The following SCUBE2 variants were observed in gnomAD, a reference collection of about 807,000 sequenced individuals.
The protein encoded by SCUBE2 is signal peptide, CUB domain and EGF like domain containing 2.
A neutral mutation model predicts 125.9 loss-of-function variants in SCUBE2; 114 were observed. The ratio of observed to expected loss-of-function variants is 0.91; its 90% CI spans 0.78 to 1.06. The LOEUF (loss-of-function observed/expected upper bound fraction) is 1.06, where lower values mean the gene tolerates loss of function less well. SCUBE2 is among the 50% of genes least tolerant of loss of function. SCUBE2 has a pLI of 0.00. For synonymous variants in SCUBE2, 459 were observed against 492.9 expected (o/e 0.93, Z 0.91); for missense variants, 1,255 against 1,301.8 (o/e 0.96, Z 0.55).
At chr11:9,057,228 T>C (rs1044425384) in intron 9 of SCUBE2, 4 of 152,248 alleles carry the variant, frequency 2.6e-5, no homozygotes, top group Non-Finnish European at 5.9e-5. Context: ...CTTTTTAATG[T>C]GTTTACACAG....
Position 9,033,690 on chromosome 11 carries a change from G to T in SCUBE2, c.2109C>A (p.Cys703Ter), listed in dbSNP as rs769727324. Residue 703 changes from cysteine to a stop codon, truncating the protein, a stop_gained, in exon 17 of 23, where the codon TGC (cysteine) becomes TGA (stop). Coordinates refer to ENST00000649792, the MANE Select transcript of SCUBE2 (RefSeq NM_001367977.2). LOFTEE classifies it high-confidence loss of function. ...GGGCCCCAGAATTTCCTGGTCTTGGGCATGGTTCACAAGTCATTTGTCCTT... is the reference window on the plus strand; with the variant it reads ...GGGCCCCAGAATTTCCTGGTCTTGGTCATGGTTCACAAGTCATTTGTCCTT... ...NEEGQMTCEP[C>*]PRPGNSGALK... 9 of 1,613,964 alleles carry T rather than the reference G, an allele frequency of 5.6e-6. No homozygotes were observed. The African/African-American group carries it at 9.3e-5, about 17-fold the overall frequency.
chr11:9,031,001 C>A (rs1233526434), intron 17 of SCUBE2, 76 bp from the exon 18 acceptor site: 2 of 1,411,300 alleles, frequency 1.4e-6, no homozygotes, highest in African/African-American at 2.8e-5. Flanking sequence ...ATGAGACCAA[C>A]TTCAGTCCAA....
chr11:9,091,381 C>G lies in SCUBE2; in HGVS notation c.133+15G>C, dbSNP rs775680569. ...GCCTGCTGTGCCAGGTGCGCCCCCGCGGCCGGACACTCACCCTCCTGCGGC... is the reference window on the plus strand; with the variant it reads ...GCCTGCTGTGCCAGGTGCGCCCCCGGGGCCGGACACTCACCCTCCTGCGGC... On this transcript the variant is annotated intron_variant, in intron 1 of 22. Transcript: ENST00000649792. The surrounding 1 kb of genome is among the most constrained non-coding windows in gnomAD (Gnocchi z 8.5). The G allele has an allele frequency of 7.7e-7, 1 of 1,303,428 alleles. No homozygotes were observed. The highest frequency in any genetic ancestry group is 2.4e-5 in the South Asian group (1 of 41,606). The allele number at this position is 1,303,428 out of a possible 1,614,324, so 80.7% of individuals were successfully genotyped here.
intron 7 of SCUBE2, among the ~76,000 whole-genome samples, chr11:9,062,232 T>C (rs1317604943): frequency 6.6e-6 from 1 of 152,216 alleles, no homozygotes; most frequent in East Asian, 1.9e-4. Context: ...CCAAAAGCTA[T>C]GTTAAAATAA....
chr11:9,041,425 A>G (rs1211598951), intron 16 of SCUBE2, among the ~76,000 whole-genome samples: 2 of 152,186 alleles, frequency 1.3e-5, no homozygotes, highest in Middle Eastern at 3.2e-3. Flanking sequence ...ATTCAACCCT[A>G]GGATAATCAG....
chr11:9,044,180 T>C (rs996648214), intron 16 of SCUBE2, among the ~76,000 whole-genome samples: 1 of 152,232 alleles, frequency 6.6e-6, no homozygotes, highest in African/African-American at 2.4e-5. Context: ...TGCTCCGCTA[T>C]CATGTTAGAG....
chr11:9,074,421 C>G, intron 4 of SCUBE2, 60 bp downstream of exon 4: 1 of 1,591,036 alleles, frequency 6.3e-7, no homozygotes, highest in South Asian at 1.1e-5. Context: ...TGTGTGTGCG[C>G]GTGCAAGGGA....
In SCUBE2 at chr11:9,020,983, A is replaced by C; in HGVS notation, c.*62T>G. The C allele has an allele frequency of 6.7e-7, 1 of 1,498,644 alleles. No homozygotes were observed. Among genetic ancestry groups the C allele is most frequent in the Non-Finnish European group, 9.1e-7 (1 of 1,102,322 alleles). 92.8% of individuals were successfully genotyped at this position (1,498,644 alleles called of 1,614,324 possible). On this transcript the variant is annotated 3_prime_UTR_variant, in exon 23 of 23. Coordinates refer to ENST00000649792, the MANE Select transcript of SCUBE2 (RefSeq NM_001367977.2). The stretch of plus-strand genomic sequence containing the variant: ...CCGACTGTGCTGACATGCAGAAGGA[A>C]GACAGCTCTGTCCCACCAACCCTAT...
rs1859560493 is a variant in SCUBE2 at position 9,060,434 on chromosome 11, A to G, written c.941T>C (p.Leu314Pro). Reference protein sequence around the residue: ...VHCSCPVGFTLQLDGKTCKDI... With the variant: ...VHCSCPVGFTPQLDGKTCKDI... ...TTTACATGTCTTCCCATCCAACTGG[A>G]GAGTGAATCCAACAGGACAACTGCA... Residue 314 changes from leucine to proline, a missense_variant, in exon 8 of 23, where the codon CTC becomes CCC. Around this residue, in one of 3 missense-constraint regions of SCUBE2, gnomAD observed 378 missense variants for 463.1 expected, o/e 0.82. Transcript: ENST00000649792. 3 of 1,613,936 alleles carry G rather than the reference A, an allele frequency of 1.9e-6. No homozygotes were observed. Among genetic ancestry groups the G allele is most frequent in the Non-Finnish European group, 2.5e-6 (3 of 1,179,902 alleles).
At chr11:9,027,715 C>T (rs1273755488) in intron 19 of SCUBE2, among the ~76,000 whole-genome samples, 154 bp from the exon 20 acceptor site, 1 of 152,160 alleles carries the variant, frequency 6.6e-6, no homozygotes, top group Non-Finnish European at 1.5e-5. Context: ...TCCCAGAGGG[C>T]CCCCTGTGGG....
intron 16 of SCUBE2, among the ~76,000 whole-genome samples, chr11:9,045,810 T>C (rs1441530867): frequency 1.3e-5 from 2 of 152,062 alleles, no homozygotes; most frequent in Non-Finnish European, 2.9e-5. Context: ...ATCTTCAACA[T>C]TGCTGTCAGA....
chr11:9,070,143 AAGAGAC>A (rs57818082), intron 4 of SCUBE2, among the ~76,000 whole-genome samples: 6,245 of 152,176 alleles, frequency 0.041, 440 homozygotes, highest in African/African-American at 0.14. Context: ...GGAGGGAGAG[AAGAGAC>A]AGAGAGAGAG....
intron 7 of SCUBE2, among the ~76,000 whole-genome samples, chr11:9,064,302 A>G (rs1427609257): frequency 6.6e-6 from 1 of 152,108 alleles, no homozygotes; most frequent in Non-Finnish European, 1.5e-5. Flanking sequence ...CCCTGTCTCT[A>G]CAAAAAATAC....
Position 9,055,885 on chromosome 11 carries a change from C to T in SCUBE2, c.1115G>A (p.Arg372Lys). 2 of 1,614,136 alleles carry T rather than the reference C, an allele frequency of 1.2e-6. No individual in the cohort carries two copies. Among genetic ancestry groups the T allele is most frequent in the Non-Finnish European group, 1.7e-6 (2 of 1,180,022 alleles). The change falls in exon 10 of 23, where the codon AGG becomes AAG. Residue 372 changes from arginine (R) to lysine (K), a missense_variant. Physicochemically the swap from Arg to Lys is conservative, Grantham distance 26. Around this residue, in one of 3 missense-constraint regions of SCUBE2, gnomAD observed 378 missense variants for 463.1 expected, o/e 0.82. Coordinates refer to ENST00000649792, the MANE Select transcript of SCUBE2 (RefSeq NM_001367977.2). ...GTTGATGCAGCTGTGGTCACAGGTC[C>T]TATCCAAAGAGCACTCATCCACATC... ...CQDVDECSLDRTCDHSCINHP... is the reference protein window; with the variant it reads ...CQDVDECSLDKTCDHSCINHP...
At chr11:9,023,463 T>TA (rs1288247110) in intron 21 of SCUBE2, among the ~76,000 whole-genome samples, 1 of 152,234 alleles carries the variant, frequency 6.6e-6, no homozygotes, top group Non-Finnish European at 1.5e-5. Flanking sequence ...TGATGGGACT[T>TA]ACCATTAAGA....
intron 2 of SCUBE2, among the ~76,000 whole-genome samples, chr11:9,088,149 G>T (rs2742533): frequency 6.6e-6 from 1 of 152,102 alleles, no homozygotes; most frequent in African/African-American, 2.4e-5. Flanking sequence ...TCAGGGTCTG[G>T]ACACTAGGCC....
intron 20 of SCUBE2, 169 bp from the exon 21 acceptor site, chr11:9,026,023 C>T: frequency 1.5e-6 from 1 of 672,420 alleles, no homozygotes; most frequent in South Asian, 2.1e-5. Context: ...AGAGTAGATT[C>T]AGCTGGTAAT....
intron 9 of SCUBE2, among the ~76,000 whole-genome samples, chr11:9,058,393 C>T (rs888227285): frequency 6.6e-6 from 1 of 151,846 alleles, no homozygotes; most frequent in Non-Finnish European, 1.5e-5. Context: ...GTCAGGAGTT[C>T]AAGACCAGCC....
intron 10 of SCUBE2, among the ~76,000 whole-genome samples, chr11:9,055,188 A>C (rs1430905977): frequency 1.3e-5 from 2 of 152,214 alleles, no homozygotes; most frequent in Non-Finnish European, 2.9e-5. Context: ...TGCTGGGTGA[A>C]TCTGATGGCT....
Sources: gnomAD v4.1 joint callset for allele counts (sites outside exome capture counted in the v4.1 genomes callset) on GRCh38, gnomAD v4.1.1 for gene constraint, gnomAD v4.1.1 regional missense constraint, Gnocchi (gnomAD v3.1) non-coding constraint, MANE v1.5 for transcripts, NCBI Gene and HGNC (gene_info 2026-07-23, HGNC 2026-07-21) for gene names.